The following CHUK variants were observed in gnomAD, a reference collection of about 807,000 sequenced individuals.
CHUK encodes the protein component of inhibitor of nuclear factor kappa B kinase complex, also known as inhibitor of nuclear factor kappa-B kinase subunit alpha.
CHUK carries 35 observed loss-of-function variants against 104.8 expected under a neutral mutation model. That is an observed-to-expected ratio of 0.33 (90% CI 0.26 to 0.44). CHUK has a LOEUF of 0.44. CHUK is among the 20% of genes least tolerant of loss of function. The pLI, the probability that CHUK is intolerant of heterozygous loss-of-function variation, is 1.00. For missense variants in CHUK, 663 were observed against 902.7 expected, an observed-to-expected ratio of 0.73 and a Z score of 3.40; for synonymous variants, 276 against 291.9, an observed-to-expected ratio of 0.95 and a Z score of 0.56.
chr10:100,219,870 G>A (rs1845945597), intron 5 of CHUK, among the ~76,000 whole-genome samples: 1 of 151,640 alleles, frequency 6.6e-6, no homozygotes, highest in Non-Finnish European at 1.5e-5. Context: ...GAGATATTTG[G>A]TGCCAAGCAT....
chr10:100,198,729 T>C (rs1304318591), intron 16 of CHUK, among the ~76,000 whole-genome samples: 2 of 152,244 alleles, frequency 1.3e-5, no homozygotes, highest in Non-Finnish European at 2.9e-5. Context: ...TGTTATTTTT[T>C]AAATGTGAAA....
intron 10 of CHUK, among the ~76,000 whole-genome samples, chr10:100,208,930 A>C (rs1845656308): frequency 6.6e-6 from 1 of 152,180 alleles, no homozygotes; most frequent in African/African-American, 2.4e-5. Context: ...GAATTAAATA[A>C]GTTTTATTGG....
chr10:100,207,265 GC>G lies in CHUK; in HGVS notation c.1195del (p.Ala399LeufsTer9). ...TACACAATCAGATAAACTTCTGGAA[GC>G]AAATGGCCCTTCATATACAGTTTTA... Reference protein sequence around the residue: ...KSKTVYEGPFASRSLSDCVNY... With the variant: ...KSKTVYEGPFXSRSLSDCVNY... On this transcript the variant is annotated frameshift_variant, in exon 11 of 21. Transcript: ENST00000370397. LOFTEE classifies it high-confidence loss of function. The G allele has an allele frequency of 6.4e-7, 1 of 1,568,656 alleles. No homozygotes were observed.
In CHUK at chr10:100,204,995, GA is replaced by G. The variant is rs17879037; in HGVS notation, c.1355+80del. On this transcript the variant is annotated intron_variant, in intron 12 of 20. Transcript: ENST00000370397. ...GTATGTTACTATTACATGCAATATT[GA>G]TTAGTGAAAACCGGCAAGATTAATT... The G allele has an allele frequency of 8.7e-5, 130 of 1,493,310 alleles. No individual in the cohort carries two copies. The African/African-American group carries it at 1.7e-3, about 20-fold the overall frequency. The allele number at this position is 1,493,310 out of a possible 1,614,324, so 92.5% of individuals were successfully genotyped here.
At chr10:100,219,186 A>C (rs1845930220) in intron 6 of CHUK, 54 bp from the exon 7 acceptor site, 1 of 1,592,414 alleles carries the variant, frequency 6.3e-7, no homozygotes, top group African/African-American at 1.3e-5. Context: ...AAGCTACTTT[A>C]TTTTTGACCT....
intron 9 of CHUK, 22 bp from the exon 10 acceptor site, chr10:100,209,811 G>A (rs748506779): frequency 6.5e-6 from 7 of 1,077,754 alleles, no homozygotes; most frequent in Admixed American, 1.8e-5. Context: ...AGAAAAAAAG[G>A]TAAAGTTATT....
intron 20 of CHUK, chr10:100,190,489 C>A: frequency 3.9e-6 from 1 of 259,572 alleles, no homozygotes; most frequent in Non-Finnish European, 7.6e-6. Context: ...ACTATATTAA[C>A]ATAATTTATT....
intron 1 of CHUK, 114 bp downstream of exon 1, chr10:100,229,314 A>C (rs1846181390): frequency 1.3e-6 from 1 of 789,646 alleles, no homozygotes; most frequent in Non-Finnish European, 2.2e-6. Flanking sequence ...GCCCCCAAAT[A>C]CTGCCCAAGG....
At chr10:100,213,263 T>C (rs1845771433) in intron 9 of CHUK, among the ~76,000 whole-genome samples, 1 of 152,018 alleles carries the variant, frequency 6.6e-6, no homozygotes, top group African/African-American at 2.4e-5. Flanking sequence ...GGTAGATCAC[T>C]TGAGGACAGG....
rs1028770078 is a variant in CHUK, at chr10:100,202,225, A to G, written c.1508-76T>C. Reference sequence around the variant, plus strand: ...TACTGGCTGCCTGCCTCCTTGCCATATCAACATCAAAGATGTGTTATGAGT... The same window carrying G: ...TACTGGCTGCCTGCCTCCTTGCCATGTCAACATCAAAGATGTGTTATGAGT... On this transcript the variant is annotated intron_variant, in intron 13 of 20. Transcript: ENST00000370397. The G allele has an allele frequency of 6.4e-6, 6 of 935,822 alleles. No individual in the cohort carries two copies. The African/African-American group carries it at 9.7e-5, about 15-fold the overall frequency. 58.0% of individuals were successfully genotyped at this position (935,822 alleles called of 1,614,324 possible).
intron 18 of CHUK, chr10:100,193,728 T>G: frequency 1.7e-6 from 1 of 594,582 alleles, no homozygotes; most frequent in South Asian, 2.0e-5. Context: ...GGTACATCTA[T>G]CCCCAAGTTA....
At position 100,205,067 on chromosome 10, in the gene CHUK, T is replaced by A. The variant is rs754006244; in HGVS notation, c.1355+9A>T. ...TGCATTGTGCTTATAAACAACAGAA[T>A]CCACTTACATTGCTGCCCTTTGTCC... is the stretch of plus-strand genomic sequence containing the variant. On this transcript the variant is annotated intron_variant, in intron 12 of 20. Transcript: ENST00000370397. 1.2e-6 allele frequency: 2 copies of A among 1,614,104 alleles called. No homozygotes were observed. Among genetic ancestry groups the A allele is most frequent in the South Asian group, 2.2e-5 (2 of 91,076 alleles).
rs11597086 is a variant in CHUK, at chr10:100,193,948, A to C, written c.1974+36T>G. ...CCTTTGCAAGGAATAATAGCAACTC[A>C]ATGTCACATTAAATAATTCATTAAT... is the stretch of plus-strand genomic sequence containing the variant. On this transcript the variant is annotated intron_variant, in intron 18 of 20. Transcript: ENST00000370397. The C allele has an allele frequency of 0.37, 590,359 of 1,576,486 alleles. 122,070 individuals are homozygous for C. The highest frequency in any genetic ancestry group is 0.44 in the Non-Finnish European group (499,804 of 1,146,678).
chr10:100,213,397 A>C (rs1353459303), intron 9 of CHUK, among the ~76,000 whole-genome samples: 1 of 151,964 alleles, frequency 6.6e-6, no homozygotes, highest in African/African-American at 2.4e-5. Context: ...GGCACGAGAG[A>C]ATCACTTGAG....
chr10:100,199,280 T>C (rs1223105061), intron 16 of CHUK, among the ~76,000 whole-genome samples: 1 of 152,156 alleles, frequency 6.6e-6, no homozygotes, highest in Non-Finnish European at 1.5e-5. Flanking sequence ...CCTCTAACCA[T>C]TCCATACCTG....
At chr10:100,187,311 G>A (rs1589570200), downstream of CHUK, 2 of 152,138 alleles carry the variant, frequency 1.3e-5, no homozygotes, top group Admixed American at 6.6e-5. Flanking sequence ...AGTAAGAAGA[G>A]GTAAATAGAA....
Position 100,204,489 on chromosome 10 carries a change from A to G in CHUK, c.1507+17T>C, listed in dbSNP as rs199531029. The G allele has an allele frequency of 1.9e-6, 3 of 1,609,736 alleles. No homozygotes were observed. The highest frequency in any genetic ancestry group is 1.3e-5 in the African/African-American group (1 of 74,836). ...GAAACCAGATGCTCCTTTCAAATAC[A>G]TTACACAGACACTTACATATCCCAT... On this transcript the variant is annotated intron_variant, in intron 13 of 20. Transcript: ENST00000370397.
chr10:100,212,856 T>C (rs1219852457), intron 9 of CHUK, among the ~76,000 whole-genome samples: 1 of 151,510 alleles, frequency 6.6e-6, no homozygotes, highest in Non-Finnish European at 1.5e-5. Context: ...AACACAAAAA[T>C]TAGCTGGGCT....
intron 19 of CHUK, chr10:100,192,530 G>T: frequency 1.2e-6 from 1 of 824,228 alleles, no homozygotes; most frequent in Non-Finnish European, 1.5e-6. Context: ...GCAACTGCAT[G>T]ACCTCCTGAG....
Sources: gnomAD v4.1 joint callset for allele counts (sites outside exome capture counted in the v4.1 genomes callset) on GRCh38, gnomAD v4.1.1 for gene constraint, MANE v1.5 for transcripts, NCBI Gene and HGNC (gene_info 2026-07-23, HGNC 2026-07-21) for gene names.